The following MPPED2 variants were observed in gnomAD, a reference collection of about 807,000 sequenced individuals.
MPPED2 encodes metallophosphoesterase domain containing 2.
Under a neutral mutation model 33.0 loss-of-function variants are expected in MPPED2, and 5 were observed. The ratio of observed to expected loss-of-function variants is 0.15; its 90% CI spans 0.08 to 0.32. The LOEUF (loss-of-function observed/expected upper bound fraction) is 0.32, where lower values mean the gene tolerates loss of function less well. Ranked by LOEUF, MPPED2 falls within the 10% of genes least tolerant of loss-of-function variation. The probability of loss-of-function intolerance (pLI) is 1.00; values close to 1 mark genes in which losing one functional copy is unlikely to be tolerated. For missense variants in MPPED2, 275 were observed against 372.1 expected, an observed-to-expected ratio of 0.74 and a Z score of 2.15; for synonymous variants, 136 against 141.9, an observed-to-expected ratio of 0.96 and a Z score of 0.29.
chr11:30,442,585 T>C (rs2133904943), intron 4 of MPPED2, among the ~76,000 whole-genome samples: 1 of 152,318 alleles, frequency 6.6e-6, no homozygotes, highest in African/African-American at 2.4e-5. Context: ...TCACTGTGTA[T>C]AGCTATCGAA....
intron 4 of MPPED2, among the ~76,000 whole-genome samples, chr11:30,425,274 A>T (rs1409260866): frequency 1.3e-5 from 2 of 152,160 alleles, no homozygotes; most frequent in Non-Finnish European, 2.9e-5. Context: ...CTAATAAAGA[A>T]CAAGTGTCAG....
intron 3 of MPPED2, among the ~76,000 whole-genome samples, chr11:30,533,218 T>C (rs1565159539): frequency 6.6e-6 from 1 of 152,174 alleles, no homozygotes; most frequent in East Asian, 1.9e-4. Flanking sequence ...GCTTCTTACA[T>C]ACTAAATGAC....
At chr11:30,580,533 G>C (rs1007657316) in intron 1 of MPPED2, 39 bp from the exon 2 acceptor site, 12 of 1,407,584 alleles carry the variant, frequency 8.5e-6, no homozygotes, top group Non-Finnish European at 8.3e-6. Flanking sequence ...TGAGAACAAA[G>C]AGAAAAAGGG....
At chr11:30,497,845 A>T (rs2134223237) in intron 3 of MPPED2, among the ~76,000 whole-genome samples, 1 of 152,316 alleles carries the variant, frequency 6.6e-6, no homozygotes, top group East Asian at 1.9e-4. Flanking sequence ...GCCACAAAAA[A>T]GGTGATGATA....
rs2133725277 is a variant in MPPED2 at position 30,410,489 on chromosome 11, C to A, written c.*979G>T. On this transcript the variant is annotated 3_prime_UTR_variant, in exon 7 of 7. Coordinates refer to ENST00000358117, the MANE Select transcript of MPPED2 (RefSeq NM_001584.3). ...ACTTGGGGTATTTAAATAGAAAGGA[C>A]AACTAAGCCTTATTTTAGTTAGCTT... 1 of 985,700 alleles carries A rather than the reference C, an allele frequency of 1.0e-6. No homozygotes were observed. The highest frequency in any genetic ancestry group is 1.2e-6 in the Non-Finnish European group (1 of 829,912). The allele number at this position is 985,700 out of a possible 1,614,324, so 61.1% of individuals were successfully genotyped here. A position where few individuals can be genotyped will look rare whatever the true frequency, so the allele number is the denominator to read the frequency against.
At chr11:30,515,104 A>G (rs1400848250) in intron 3 of MPPED2, among the ~76,000 whole-genome samples, 1 of 152,272 alleles carries the variant, frequency 6.6e-6, no homozygotes, top group South Asian at 2.1e-4. Context: ...CAAAACAAAC[A>G]AACAAAAAAC....
intron 4 of MPPED2, among the ~76,000 whole-genome samples, chr11:30,455,329 G>A (rs1299581081): frequency 6.6e-6 from 1 of 152,172 alleles, no homozygotes; most frequent in Non-Finnish European, 1.5e-5. Context: ...ACATCGCCAA[G>A]GGGGCCCACA....
At chr11:30,481,479 T>C (rs939750529) in intron 4 of MPPED2, among the ~76,000 whole-genome samples, 2 of 152,168 alleles carry the variant, frequency 1.3e-5, no homozygotes, top group Non-Finnish European at 2.9e-5. Flanking sequence ...CATTAAGCTC[T>C]TGAACAAAAG....
intron 4 of MPPED2, among the ~76,000 whole-genome samples, chr11:30,455,647 G>A (rs1163531005): frequency 6.6e-6 from 1 of 152,112 alleles, no homozygotes; most frequent in Non-Finnish European, 1.5e-5. Flanking sequence ...TCCCCATATG[G>A]GATGGTAGGC....
At chr11:30,477,818 G>A (rs1016353673) in intron 4 of MPPED2, among the ~76,000 whole-genome samples, 5 of 151,944 alleles carry the variant, frequency 3.3e-5, no homozygotes, top group African/African-American at 4.8e-5. Context: ...TGATATCTAC[G>A]GTGGACGGTA....
chr11:30,437,296 A>C (rs1002465380), intron 4 of MPPED2, among the ~76,000 whole-genome samples: 16 of 152,148 alleles, frequency 1.1e-4, no homozygotes, highest in African/African-American at 3.6e-4. Flanking sequence ...TTTTTCTATG[A>C]TTCTATTAAA....
chr11:30,469,165 G>A (rs187752168), intron 4 of MPPED2, among the ~76,000 whole-genome samples: 2 of 152,144 alleles, frequency 1.3e-5, no homozygotes. Flanking sequence ...ACAATAGCAG[G>A]CCCTACATTT....
In MPPED2 at chr11:30,411,565, C is replaced by G. The variant is rs909415015; in HGVS notation, c.788G>C (p.Gly263Ala). The change falls in exon 7 of 7, where the codon GGT (glycine) becomes GCT (alanine). Residue 263 changes from glycine (G) to alanine (A), a missense_variant. Gly to Ala is a moderately conservative substitution (Grantham distance 60). Transcript: ENST00000358117. ...CGAGGCATTGATGTACGTTGTGTAA[C>G]CGTCGGTCATGATGCCATAACCTGT... ...IHEGYGIMTD[G>A]YTTYINASTC... The G allele has an allele frequency of 6.2e-7, 1 of 1,613,374 alleles. No individual in the cohort carries two copies. Among genetic ancestry groups the G allele is most frequent in the Non-Finnish European group, 8.5e-7 (1 of 1,179,588 alleles).
chr11:30,431,434 A>G (rs1949073573), intron 4 of MPPED2, among the ~76,000 whole-genome samples: 2 of 152,206 alleles, frequency 1.3e-5, no homozygotes, highest in South Asian at 4.1e-4. Context: ...AGATAATTAT[A>G]TTATCTATGG....
chr11:30,567,786 C>G (rs1221366135), intron 2 of MPPED2, among the ~76,000 whole-genome samples: 1 of 152,150 alleles, frequency 6.6e-6, no homozygotes, highest in Non-Finnish European at 1.5e-5. Context: ...AAGCAAATTC[C>G]ACAACTCCAG....
intron 2 of MPPED2, among the ~76,000 whole-genome samples, chr11:30,558,983 A>G (rs1003192848): frequency 6.6e-6 from 1 of 152,156 alleles, no homozygotes; most frequent in African/African-American, 2.4e-5. Context: ...TTTTCAATGA[A>G]AAAATGGTGA....
At chr11:30,540,522 A>AT (rs938684723) in intron 2 of MPPED2, among the ~76,000 whole-genome samples, 161 of 149,816 alleles carry the variant, frequency 1.1e-3, no homozygotes, top group African/African-American at 3.5e-3. Flanking sequence ...AAATGTTAGT[A>AT]TTTTTTTTTT....
intron 4 of MPPED2, among the ~76,000 whole-genome samples, chr11:30,436,975 G>A (rs1949354579): frequency 6.6e-6 from 1 of 152,194 alleles, no homozygotes. Context: ...TGAATGCCGT[G>A]ATGGCTGTCA....
At chr11:30,583,913 C>T (rs1010245779) in intron 1 of MPPED2, among the ~76,000 whole-genome samples, 2 of 152,200 alleles carry the variant, frequency 1.3e-5, no homozygotes, top group African/African-American at 4.8e-5. Context: ...CGCCAAATTT[C>T]GCTCTCTCCT....
Sources: allele counts gnomAD v4.1 joint callset (sites outside exome capture counted in the v4.1 genomes callset), GRCh38; gene constraint gnomAD v4.1.1; transcripts MANE v1.5; gene names NCBI Gene and HGNC (gene_info 2026-07-23, HGNC 2026-07-21).